CTIF: variants seen among roughly 807,000 people sequenced by gnomAD.
CTIF encodes cap binding complex dependent translation initiation factor, also known as CBP80/20-dependent translation initiation factor.
Under a neutral mutation model 66.0 loss-of-function variants are expected in CTIF, and 21 were observed. The ratio of observed to expected loss-of-function variants is 0.32; its 90% CI spans 0.23 to 0.46. The LOEUF is 0.46. Among genes scored for constraint, CTIF ranks in the 20% least tolerant of loss-of-function variants. The probability of loss-of-function intolerance (pLI) is 1.00; values close to 1 mark genes in which losing one functional copy is unlikely to be tolerated. For missense variants in CTIF, 739 were observed against 812.7 expected (o/e 0.91, Z 1.10); for synonymous variants, 345 against 326.4 (o/e 1.06, Z -0.62).
chr18:48,845,346 T>A (rs916374323), intron 10 of CTIF, among the ~76,000 whole-genome samples: 1 of 152,232 alleles, frequency 6.6e-6, no homozygotes, highest in Non-Finnish European at 1.5e-5. Context: ...ACCCATGCTC[T>A]TCTAATCACC....
intron 9 of CTIF, among the ~76,000 whole-genome samples, chr18:48,812,166 G>A (rs940661831): frequency 9.2e-5 from 14 of 152,102 alleles, no homozygotes; most frequent in African/African-American, 3.4e-4. Flanking sequence ...GTTTCACCAT[G>A]TTGCTCGGGC....
At chr18:48,566,575 T>C (rs561480369) in intron 1 of CTIF, 1 of 152,294 alleles carries the variant, frequency 6.6e-6, no homozygotes, top group East Asian at 1.9e-4. Flanking sequence ...TGCATGACAT[T>C]AGTCATGAAT....
At chr18:48,606,910 G>A (rs1347085286) in intron 1 of CTIF, among the ~76,000 whole-genome samples, 1 of 152,074 alleles carries the variant, frequency 6.6e-6, no homozygotes, top group Non-Finnish European at 1.5e-5. Flanking sequence ...TATATGACAA[G>A]CATTTAGCAC....
chr18:48,725,842 C>G (rs894697024), intron 7 of CTIF, among the ~76,000 whole-genome samples: 111 of 152,246 alleles, frequency 7.3e-4, no homozygotes, highest in African/African-American at 2.3e-3. Flanking sequence ...CTAAAACCAT[C>G]CCACTTGAGG....
chr18:48,622,086 G>A (rs1020247988), intron 2 of CTIF, among the ~76,000 whole-genome samples: 1 of 152,220 alleles, frequency 6.6e-6, no homozygotes, highest in Non-Finnish European at 1.5e-5. Context: ...TTTCTCCAGG[G>A]AATACAGTGG....
intron 1 of CTIF, among the ~76,000 whole-genome samples, chr18:48,573,354 C>T (rs1156484029): frequency 1.3e-5 from 2 of 152,164 alleles, no homozygotes; most frequent in East Asian, 1.9e-4. Flanking sequence ...TTCCAGTCAC[C>T]TGCCTGGCCC....
intron 6 of CTIF, among the ~76,000 whole-genome samples, chr18:48,678,494 T>C (rs1167848513): frequency 6.6e-6 from 1 of 151,366 alleles, no homozygotes; most frequent in African/African-American, 2.4e-5. Flanking sequence ...CTCCAATCCG[T>C]GGTTTCCTGT....
At chr18:48,782,696 G>T (rs1911346505) in intron 9 of CTIF, among the ~76,000 whole-genome samples, 1 of 152,238 alleles carries the variant, frequency 6.6e-6, no homozygotes, top group African/African-American at 2.4e-5. Flanking sequence ...GACAGGTCCT[G>T]GGGCTGGCAT....
At chr18:48,699,752 G>C (rs143763757) in intron 6 of CTIF, among the ~76,000 whole-genome samples, 2 of 152,170 alleles carry the variant, frequency 1.3e-5, no homozygotes, top group African/African-American at 4.8e-5. Flanking sequence ...CCCTCGTAAC[G>C]GTCCTCTGAT....
In CTIF at chr18:48,636,594, C is replaced by T. The variant is rs373130854; in HGVS notation, c.181-20C>T. On this transcript the variant is annotated intron_variant, in intron 2 of 11. Coordinates refer to ENST00000256413, the MANE Select transcript of CTIF (RefSeq NM_014772.3). Reference sequence around the variant, plus strand: ...GCCTGGCTGTCCTGCCGTCACTGATCGCTCCTTTCTGTTCTGCAGTGGACA... The same window carrying T: ...GCCTGGCTGTCCTGCCGTCACTGATTGCTCCTTTCTGTTCTGCAGTGGACA... The T allele has an allele frequency of 2.3e-5, 34 of 1,510,858 alleles. No homozygotes were observed. Among genetic ancestry groups the T allele is most frequent in the African/African-American group, 4.2e-5 (3 of 71,402 alleles). The allele number at this position is 1,510,858 out of a possible 1,614,324, so 93.6% of individuals were successfully genotyped here.
In CTIF at chr18:48,817,236, C is replaced by T; in HGVS notation, c.1387C>T (p.Arg463Cys). The change falls in exon 10 of 12, where the codon CGC becomes TGC. Residue 463 changes from arginine (R) to cysteine (C), a missense_variant. This residue lies in a region of CTIF where 210 missense variants were observed against 292.3 expected (regional missense o/e 0.72). Transcript: ENST00000256413. ...LNMLQKDFTVREELQQQDVER... is the reference protein window; with the variant it reads ...LNMLQKDFTVCEELQQQDVER... Reference sequence around the variant, plus strand: ...GCCTCCACAGAAGGACTTCACGGTGCGCGAGGAGCTGCAGCAGCAGGACGT... The same window carrying T: ...GCCTCCACAGAAGGACTTCACGGTGTGCGAGGAGCTGCAGCAGCAGGACGT... 1.9e-6 allele frequency: 3 copies of T among 1,613,670 alleles called. No individual in the cohort carries two copies. The highest frequency in any genetic ancestry group is 8.5e-7 in the Non-Finnish European group (1 of 1,179,886).
At chr18:48,662,583 C>T (rs1423485493) in intron 3 of CTIF, 1 of 151,454 alleles carries the variant, frequency 6.6e-6, no homozygotes, top group Admixed American at 6.6e-5. Context: ...CTGGCCCCTT[C>T]TGCTTGGAGG....
intron 9 of CTIF, among the ~76,000 whole-genome samples, chr18:48,774,889 G>A (rs567548130): frequency 4.6e-5 from 7 of 152,210 alleles, no homozygotes; most frequent in East Asian, 3.9e-4. Context: ...GAGCAGCTGC[G>A]TATTGGAGCG....
chr18:48,857,536 C>G, intron 10 of CTIF, 52 bp from the exon 11 acceptor site: 3 of 1,548,150 alleles, frequency 1.9e-6, no homozygotes, highest in Non-Finnish European at 2.6e-6. Flanking sequence ...CTACAGGGCC[C>G]AGTAGCCGGC....
intron 6 of CTIF, among the ~76,000 whole-genome samples, chr18:48,707,394 T>C (rs1242294280): frequency 6.6e-6 from 1 of 152,214 alleles, no homozygotes; most frequent in East Asian, 1.9e-4. Context: ...CTTCCTGTCA[T>C]TGGGTGCCAC....
At chr18:48,595,803 A>G (rs972229638) in intron 1 of CTIF, among the ~76,000 whole-genome samples, 11 of 152,138 alleles carry the variant, frequency 7.2e-5, no homozygotes, top group African/African-American at 2.7e-4. Flanking sequence ...CGAGGCTGCA[A>G]TCAAGGTGTC....
At chr18:48,806,618 T>C (rs1276812089) in intron 9 of CTIF, among the ~76,000 whole-genome samples, 5 of 152,200 alleles carry the variant, frequency 3.3e-5, no homozygotes, top group African/African-American at 1.2e-4. Flanking sequence ...TCCTTGTGCC[T>C]CGACTACCCC....
At chr18:48,721,757 C>CG (rs1568164288) in intron 7 of CTIF, among the ~76,000 whole-genome samples, 19 of 148,016 alleles carry the variant, frequency 1.3e-4, no homozygotes, top group African/African-American at 3.2e-4. Context: ...GCATCCCCCC[C>CG]TCTCTGTCCT....
chr18:48,783,844 A>T (rs1426626284), intron 9 of CTIF, among the ~76,000 whole-genome samples: 1 of 151,746 alleles, frequency 6.6e-6, no homozygotes, highest in Non-Finnish European at 1.5e-5. Flanking sequence ...CTCTGACCCC[A>T]GTCCACCGAG....
Sources: allele counts gnomAD v4.1 joint callset (sites outside exome capture counted in the v4.1 genomes callset), GRCh38; gene constraint gnomAD v4.1.1; regional missense constraint gnomAD v4.1.1; transcripts MANE v1.5; gene names NCBI Gene and HGNC (gene_info 2026-07-23, HGNC 2026-07-21).